The following SLC29A1 variants were observed in gnomAD, a reference collection of about 807,000 sequenced individuals.
The protein encoded by SLC29A1 is equilibrative nucleoside transporter 1.
A neutral mutation model predicts 48.3 loss-of-function variants in SLC29A1; 22 were observed. That is an observed-to-expected ratio of 0.46 (90% CI 0.33 to 0.65). The LOEUF (loss-of-function observed/expected upper bound fraction) is 0.65, where lower values mean the gene tolerates loss of function less well. Ranked by LOEUF, SLC29A1 falls within the 30% of genes least tolerant of loss-of-function variation. The pLI, the probability that SLC29A1 is intolerant of heterozygous loss-of-function variation, is 0.03. For synonymous variants in SLC29A1, 228 were observed against 231.0 expected, an observed-to-expected ratio of 0.99 and a Z score of 0.12; for missense variants, 491 against 575.3, an observed-to-expected ratio of 0.85 and a Z score of 1.50.
chr6:44,226,842 T>C, intron 1 of SLC29A1: 1 of 1,021,518 alleles, frequency 9.8e-7, no homozygotes, highest in South Asian at 3.8e-5. Flanking sequence ...TCTCCTCCAT[T>C]TGTCTCCCTC....
intron 2 of SLC29A1, among the ~76,000 whole-genome samples, chr6:44,228,496 G>A (rs930118530): frequency 1.3e-5 from 2 of 152,220 alleles, no homozygotes; most frequent in Non-Finnish European, 2.9e-5. Context: ...GCCTGCCAGC[G>A]GTCCAGGCTC....
Position 44,229,738 on chromosome 6 carries a change from T to A in SLC29A1, c.261T>A (p.Cys87Ter). Residue 87 changes from cysteine (C) to a stop codon, truncating the protein, a stop_gained, in exon 4 of 13, where the codon TGT becomes TGA. Transcript: ENST00000371755. LOFTEE classifies it high-confidence loss of function. This position sits in a 1 kb window ranked among gnomAD's most constrained non-coding sequence, Gnocchi z 5.1. ...SAIFNNVMTL[C>*]AMLPLLLFTY... ...TCTTCAACAATGTCATGACCCTATGTGCCATGCTGCCCCTGCTGTTATTCA... is the reference window on the plus strand; with the variant it reads ...TCTTCAACAATGTCATGACCCTATGAGCCATGCTGCCCCTGCTGTTATTCA... The A allele has an allele frequency of 3.1e-6, 5 of 1,613,976 alleles. No homozygotes were observed. The highest frequency in any genetic ancestry group is 4.2e-6 in the Non-Finnish European group (5 of 1,180,028).
rs960578377 is a variant in SLC29A1, at chr6:44,233,886, C to CA, written c.*359dup. 4.1e-6 allele frequency: 1 copy of CA among 244,084 alleles called. No individual in the cohort carries two copies. The highest frequency in any genetic ancestry group is 2.3e-5 in the African/African-American group (1 of 44,336). The allele number at this position is 244,084 out of a possible 1,614,324, so 15.1% of individuals were successfully genotyped here. Reference sequence around the variant, plus strand: ...TCTGTGTGTCTGCGTCCGTGTCTGTCAGACTGTCTGCCTGTCCTGGGGTGG... The same window carrying CA: ...TCTGTGTGTCTGCGTCCGTGTCTGTCAAGACTGTCTGCCTGTCCTGGGGTGG... On this transcript the variant is annotated 3_prime_UTR_variant, in exon 13 of 13. Transcript: ENST00000371755.
chr6:44,221,198 A>G (rs1297225226), upstream of SLC29A1, among the ~76,000 whole-genome samples: 2 of 152,138 alleles, frequency 1.3e-5, no homozygotes, highest in African/African-American at 4.8e-5. This position sits in a 1 kb window ranked among gnomAD's most constrained non-coding sequence, Gnocchi z 4.2. Context: ...ATTTATCTTG[A>G]TTCATGAGTT....
At position 44,233,755 on chromosome 6, in the gene SLC29A1, T is replaced by C. The variant is rs999397746; in HGVS notation, c.*227T>C. The C allele has an allele frequency of 1.8e-5, 10 of 563,252 alleles. No individual in the cohort carries two copies. Among genetic ancestry groups the C allele is most frequent in the Non-Finnish European group, 2.9e-5 (9 of 314,586 alleles). 34.9% of individuals were successfully genotyped at this position (563,252 alleles called of 1,614,324 possible). On this transcript the variant is annotated 3_prime_UTR_variant, in exon 13 of 13. Coordinates refer to ENST00000371755, the MANE Select transcript of SLC29A1 (RefSeq NM_001372327.1). ...CAGAGTCGAGGGACGGGGTGTAGCC[T>C]CGGCATTTGCTTGAGTTTCTCCACT... is the stretch of plus-strand genomic sequence containing the variant.
At chr6:44,227,686 G>A (rs1204455857) in intron 2 of SLC29A1, among the ~76,000 whole-genome samples, 1 of 152,230 alleles carries the variant, frequency 6.6e-6, no homozygotes. Flanking sequence ...GAACTGCCCT[G>A]GGGCCTCTGC....
upstream of SLC29A1, chr6:44,221,654 G>T (rs1364547066): frequency 3.9e-6 from 5 of 1,289,698 alleles, no homozygotes; most frequent in South Asian, 3.7e-5. The surrounding 1 kb of genome is among the most constrained non-coding windows in gnomAD (Gnocchi z 4.2). Context: ...AGCTGGCAAG[G>T]CCTGGCTAGA....
At chr6:44,231,524 C>A in intron 9 of SLC29A1, 63 bp downstream of exon 9, 1 of 1,044,892 alleles carries the variant, frequency 9.6e-7, no homozygotes, top group Non-Finnish European at 1.5e-6. Flanking sequence ...CTTTTGCTCC[C>A]TCCCCCTGCC....
In SLC29A1 at chr6:44,233,151, G is replaced by A. The variant is rs534796508; in HGVS notation, c.1259+145G>A. 3.4e-5 allele frequency: 32 copies of A among 927,894 alleles called. No homozygotes were observed. In the East Asian group the frequency reaches 5.7e-4, roughly 17 times the overall value. The allele number at this position is 927,894 out of a possible 1,614,324, so 57.5% of individuals were successfully genotyped here. On this transcript the variant is annotated intron_variant, in intron 12 of 12. Coordinates refer to ENST00000371755, the MANE Select transcript of SLC29A1 (RefSeq NM_001372327.1). ...GGCTCAGGAGGGGCTCCCAGGCTGAGGGGATAGTGACTGTAGTGGAGGGGG... is the reference window on the plus strand; with the variant it reads ...GGCTCAGGAGGGGCTCCCAGGCTGAAGGGATAGTGACTGTAGTGGAGGGGG...
intron 2 of SLC29A1, among the ~76,000 whole-genome samples, chr6:44,228,070 C>T (rs1318430582): frequency 6.6e-6 from 1 of 152,170 alleles, no homozygotes; most frequent in African/African-American, 2.4e-5. Flanking sequence ...ACTGTTTTTC[C>T]ACCTGTAAAA....
At chr6:44,228,363 G>A (rs1426976702) in intron 2 of SLC29A1, among the ~76,000 whole-genome samples, 1 of 152,212 alleles carries the variant, frequency 6.6e-6, no homozygotes, top group East Asian at 1.9e-4. Context: ...TCTGCTCTGG[G>A]CCTCCGAACC....
chr6:44,234,093 A>G lies in SLC29A1; in HGVS notation c.*565A>G, dbSNP rs1370144276. ...TTTAAAAATATATTTGACAGAAACCAGGTGCCTTCAGAGGCTCTCTGATTT... is the reference window on the plus strand; with the variant it reads ...TTTAAAAATATATTTGACAGAAACCGGGTGCCTTCAGAGGCTCTCTGATTT... On this transcript the variant is annotated 3_prime_UTR_variant, in exon 13 of 13. Coordinates refer to ENST00000371755, the MANE Select transcript of SLC29A1 (RefSeq NM_001372327.1). 6.5e-6 allele frequency: 1 copy of G among 152,792 alleles called. No individual in the cohort carries two copies. Among genetic ancestry groups the G allele is most frequent in the Non-Finnish European group, 1.5e-5 (1 of 68,146 alleles). 9.5% of individuals were successfully genotyped at this position (152,792 alleles called of 1,614,324 possible).
rs1297931698 is a variant in SLC29A1, at chr6:44,229,937, C to T, written c.345C>T (p.Ser115=). ...RIPQSVRILG[S]LVAILLVFLI... is the part of the protein sequence containing the mutation. ...CCCAGTCCGTACGGATCCTGGGCAG[C>T]CTGGTGGCCATCCTGCTGGTGTTTC... The change falls in exon 5 of 13, where the codon AGC becomes AGT. Residue 115 remains serine, a synonymous_variant. Transcript: ENST00000371755. The surrounding 1 kb of genome is among the most constrained non-coding windows in gnomAD (Gnocchi z 5.1). 2 of 1,613,530 alleles carry T rather than the reference C, an allele frequency of 1.2e-6. No individual in the cohort carries two copies. The highest frequency in any genetic ancestry group is 1.1e-5 in the South Asian group (1 of 91,084).
At chr6:44,225,076 C>G (rs1321807548) in intron 1 of SLC29A1, among the ~76,000 whole-genome samples, 1 of 152,162 alleles carries the variant, frequency 6.6e-6, no homozygotes, top group Non-Finnish European at 1.5e-5. Context: ...GAGCTATTCT[C>G]CCCACCCTAG....
chr6:44,229,522 G>A lies in SLC29A1; in HGVS notation c.111+51G>A. 2 of 1,610,214 alleles carry A rather than the reference G, an allele frequency of 1.2e-6. No homozygotes were observed. Among genetic ancestry groups the A allele is most frequent in the Non-Finnish European group, 1.7e-6 (2 of 1,176,456 alleles). ...TGGGGCAGTGCCCACTGTGCTTGCA[G>A]GATCTGACTCTGTGCTGGTAGGCAC... is the stretch of plus-strand genomic sequence containing the variant. On this transcript the variant is annotated intron_variant, in intron 3 of 12. Coordinates refer to ENST00000371755, the MANE Select transcript of SLC29A1 (RefSeq NM_001372327.1). The surrounding 1 kb of genome is among the most constrained non-coding windows in gnomAD (Gnocchi z 5.1).
Position 44,231,414 on chromosome 6 carries a change from T to G in SLC29A1, c.817T>G (p.Ser273Ala), listed in dbSNP as rs749423402. 3.1e-6 allele frequency: 5 copies of G among 1,607,470 alleles called. No individual in the cohort carries two copies. The South Asian group carries it at 5.6e-5, about 18-fold the overall frequency. The change falls in exon 9 of 13, where the codon TCT becomes GCT. Residue 273 changes from serine (S) to alanine (A), a missense_variant. By Grantham distance (99) the Ser-to-Ala change is moderately conservative (BLOSUM62 1). Transcript: ENST00000371755. ...KEESGVSVSN[S>A]QPTNESHSIK... ...GGAATCTGGAGTTTCAGTCTCCAACTCTCAGCCCACCAATGAAAGCCACTC... is the reference window on the plus strand; with the variant it reads ...GGAATCTGGAGTTTCAGTCTCCAACGCTCAGCCCACCAATGAAAGCCACTC...
At position 44,230,009 on chromosome 6, in the gene SLC29A1, C is replaced by T; in HGVS notation, c.417C>T (p.Phe139=). The T allele has an allele frequency of 1.2e-6, 2 of 1,611,134 alleles. No homozygotes were observed. The highest frequency in any genetic ancestry group is 1.7e-6 in the Non-Finnish European group (2 of 1,180,030). ...LVKVQLDALP[F]FVITMIKIVL... ...AGGTGCAGCTGGATGCTCTGCCCTTCTTTGTCATCACCATGATCAAGATCG... is the reference window on the plus strand; with the variant it reads ...AGGTGCAGCTGGATGCTCTGCCCTTTTTTGTCATCACCATGATCAAGATCG... The change falls in exon 5 of 13, where the codon TTC becomes TTT. Residue 139 remains phenylalanine, a synonymous_variant. Transcript: ENST00000371755.
At position 44,232,372 on chromosome 6, in the gene SLC29A1, T is replaced by A. The variant is rs748962596; in HGVS notation, c.1003T>A (p.Leu335Met). ...TTACTTCATTCCTGTGTCCTGTTTCTTGACTTTCAATATCTTTGACTGGTT... is the reference window on the plus strand; with the variant it reads ...TTACTTCATTCCTGTGTCCTGTTTCATGACTTTCAATATCTTTGACTGGTT... ...ERYFIPVSCF[L>M]TFNIFDWLGR... Residue 335 changes from leucine (L) to methionine (M), a missense_variant, in exon 11 of 13, where the codon TTG becomes ATG. Leu to Met is a conservative substitution (Grantham distance 15). Transcript: ENST00000371755. This position sits in a 1 kb window ranked among gnomAD's most constrained non-coding sequence, Gnocchi z 4.7. The A allele has an allele frequency of 6.2e-7, 1 of 1,613,826 alleles. No individual in the cohort carries two copies. Among genetic ancestry groups the A allele is most frequent in the Admixed American group, 1.7e-5 (1 of 60,024 alleles).
intron 2 of SLC29A1, among the ~76,000 whole-genome samples, chr6:44,228,545 C>G (rs1199858790): frequency 1.3e-5 from 2 of 152,258 alleles, no homozygotes; most frequent in African/African-American, 2.4e-5. Context: ...CTGCCTTGGG[C>G]TTTATCCCTG....
Sources: allele counts gnomAD v4.1 joint callset (sites outside exome capture counted in the v4.1 genomes callset), GRCh38; gene constraint gnomAD v4.1.1; non-coding constraint Gnocchi (gnomAD v3.1); transcripts MANE v1.5; gene names NCBI Gene and HGNC (gene_info 2026-07-23, HGNC 2026-07-21).